Variants in PRMT2 observed in about 807,000 individuals in gnomAD.
The protein encoded by PRMT2 is protein arginine methyltransferase 2, also known as protein arginine N-methyltransferase 2.
A neutral mutation model predicts 57.6 loss-of-function variants in PRMT2; 26 were observed. The ratio of observed to expected loss-of-function variants is 0.45; its 90% CI spans 0.33 to 0.63. PRMT2 has a LOEUF of 0.63. Among genes scored for constraint, PRMT2 ranks in the 20% least tolerant of loss-of-function variants. The pLI, the probability that PRMT2 is intolerant of heterozygous loss-of-function variation, is 0.02. For missense variants in PRMT2, 472 were observed against 564.4 expected, an observed-to-expected ratio of 0.84 and a Z score of 1.66; for synonymous variants, 219 against 220.0, an observed-to-expected ratio of 1.00 and a Z score of 0.04.
intron 3 of PRMT2, among the ~76,000 whole-genome samples, chr21:46,638,517 A>C (rs2148959841): frequency 6.6e-6 from 1 of 152,298 alleles, no homozygotes; most frequent in East Asian, 1.9e-4. Flanking sequence ...AAGGGATTGC[A>C]AGTTTCAGTT....
At chr21:46,655,822 T>G (rs1360115350) in intron 7 of PRMT2, among the ~76,000 whole-genome samples, 6 of 152,102 alleles carry the variant, frequency 3.9e-5, no homozygotes, top group Admixed American at 2.0e-4. Context: ...CCTAAATAAA[T>G]GGAGAGATAA....
chr21:46,643,552 G>A lies in PRMT2; in HGVS notation c.57G>A (p.Glu19=), dbSNP rs150500329. The A allele has an allele frequency of 5.0e-5, 81 of 1,606,304 alleles. No individual in the cohort carries two copies. In the African/African-American group the frequency reaches 9.8e-4, roughly 19 times the overall value. ...TTGAGCAGGGAGAAGAGCCTGCTGA[G>A]TGCAGTGAGGCCGGTCTCCTGCAGG... ...RSESQGEEPA[E]CSEAGLLQEG... Residue 19 remains glutamate (E), a synonymous_variant, in exon 4 of 12, where the codon GAG becomes GAA. Transcript: ENST00000355680.
chr21:46,652,019 G>A (rs773405874), intron 7 of PRMT2: 3 of 1,613,044 alleles, frequency 1.9e-6, no homozygotes, highest in Non-Finnish European at 2.5e-6. Context: ...CTGACATGTA[G>A]TAAAAGTCTG....
chr21:46,652,987 C>A, intron 7 of PRMT2: 1 of 1,228,164 alleles, frequency 8.1e-7, no homozygotes, highest in Admixed American at 3.5e-5. Context: ...TTTGCAAGGT[C>A]ACTGAGGATC....
In PRMT2 at chr21:46,661,957, CACGGGGT is replaced by C. The variant is rs761809610; in HGVS notation, c.1097+22_1097+28del. On this transcript the variant is annotated intron_variant, in intron 10 of 11. Coordinates refer to ENST00000355680, the MANE Select transcript of PRMT2 (RefSeq NM_206962.4). Reference sequence around the variant, plus strand: ...CACCCGTGAGTGTGCGGGGCGCGGGCACGGGGTGCGGGGTGGGGGGCAGGGGAGTAGG... The same window carrying C: ...CACCCGTGAGTGTGCGGGGCGCGGGCGCGGGGTGGGGGGCAGGGGAGTAGG... 12 of 988,698 alleles carry C rather than the reference CACGGGGT, an allele frequency of 1.2e-5. No homozygotes were observed. The African/African-American group carries it at 1.7e-4, about 14-fold the overall frequency. The allele number at this position is 988,698 out of a possible 1,614,324, so 61.2% of individuals were successfully genotyped here. A position where few individuals can be genotyped will look rare whatever the true frequency, so the allele number is the denominator to read the frequency against.
At chr21:46,660,005 T>G in intron 8 of PRMT2, 1 of 984,142 alleles carries the variant, frequency 1.0e-6, no homozygotes. Context: ...ATCACAATGC[T>G]AAGACAGGCA....
At chr21:46,659,297 G>A in intron 8 of PRMT2, 1 of 1,014,054 alleles carries the variant, frequency 9.9e-7, no homozygotes, top group Non-Finnish European at 1.2e-6. Flanking sequence ...ATCCATGGGG[G>A]CCTGTGTGCA....
rs1461549148 is a variant in PRMT2 at position 46,649,430 on chromosome 21, C to G, written c.490-145C>G. The G allele has an allele frequency of 7.6e-7, 1 of 1,315,510 alleles. No homozygotes were observed. Among genetic ancestry groups the G allele is most frequent in the African/African-American group, 1.4e-5 (1 of 69,188 alleles). 81.5% of individuals were successfully genotyped at this position (1,315,510 alleles called of 1,614,324 possible). A position where few individuals can be genotyped will look rare whatever the true frequency, so the allele number is the denominator to read the frequency against. On this transcript the variant is annotated intron_variant, in intron 6 of 11. Coordinates refer to ENST00000355680, the MANE Select transcript of PRMT2 (RefSeq NM_206962.4). The surrounding 1 kb of genome is among the most constrained non-coding windows in gnomAD (Gnocchi z 4.8). ...GTGCCCCTGGAGGGGCAGGTGTGGC[C>G]AGTCCTCGCTGCCTCTGCTGTCTGG...
In PRMT2 at chr21:46,649,189, C is replaced by A. The variant is rs1487585608; in HGVS notation, c.490-386C>A. Among the ~76,000 whole-genome samples, 1 of 152,176 alleles carries A rather than the reference C, an allele frequency of 6.6e-6. No individual in the cohort carries two copies. Among genetic ancestry groups the A allele is most frequent in the African/African-American group, 2.4e-5 (1 of 41,446 alleles). Reference sequence around the variant, plus strand: ...TTCCCACCAGACCCTTCCCTGAGAACCTGGGTTTGAAATTGTCTGACAGGC... The same window carrying A: ...TTCCCACCAGACCCTTCCCTGAGAAACTGGGTTTGAAATTGTCTGACAGGC... On this transcript the variant is annotated intron_variant, in intron 6 of 11. Transcript: ENST00000355680. The surrounding 1 kb of genome is among the most constrained non-coding windows in gnomAD (Gnocchi z 4.8).
intron 7 of PRMT2, chr21:46,650,024 G>A: frequency 7.4e-7 from 1 of 1,348,108 alleles, no homozygotes; most frequent in Non-Finnish European, 9.8e-7. Flanking sequence ...AAAATCCTGT[G>A]CCTAACAGGT....
chr21:46,647,076 G>A (rs968194935), intron 5 of PRMT2, among the ~76,000 whole-genome samples: 6 of 152,144 alleles, frequency 3.9e-5, no homozygotes, highest in African/African-American at 1.4e-4. Context: ...ATTTCAGACC[G>A]TGGCATGATG....
intron 7 of PRMT2, chr21:46,651,701 T>A: frequency 7.7e-7 from 1 of 1,301,464 alleles, no homozygotes; most frequent in Non-Finnish European, 1.1e-6. Context: ...AGAGTTCCTA[T>A]GGCGATAGTT....
chr21:46,645,914 A>C (rs1272223904), intron 5 of PRMT2, among the ~76,000 whole-genome samples: 2 of 152,016 alleles, frequency 1.3e-5, no homozygotes, highest in South Asian at 2.1e-4. Flanking sequence ...GGGTTTTGCC[A>C]TGTTGGCCAG....
At position 46,644,533 on chromosome 21, in the gene PRMT2, T is replaced by C. The variant is rs752523317; in HGVS notation, c.327+45T>C. The stretch of plus-strand genomic sequence containing the variant: ...CTGTTCAGCTGGCCAGGCGGTGGGT[T>C]CTCTCTAGCTTTAGTTCTACTGCAA... On this transcript the variant is annotated intron_variant, in intron 5 of 11. Coordinates refer to ENST00000355680, the MANE Select transcript of PRMT2 (RefSeq NM_206962.4). 5.2e-6 allele frequency: 8 copies of C among 1,531,112 alleles called. No individual in the cohort carries two copies. In the East Asian group the frequency reaches 1.8e-4, roughly 35 times the overall value. The allele number at this position is 1,531,112 out of a possible 1,614,324, so 94.8% of individuals were successfully genotyped here. A position where few individuals can be genotyped will look rare whatever the true frequency, so the allele number is the denominator to read the frequency against.
intron 7 of PRMT2, chr21:46,653,164 T>C (rs2061487443): frequency 3.0e-6 from 3 of 985,444 alleles, no homozygotes; most frequent in Non-Finnish European, 3.6e-6. Context: ...TTATGACGAA[T>C]TTTCTAAGCA....
Position 46,649,466 on chromosome 21 carries a change from C to G in PRMT2, c.490-109C>G. ...GCCTCTGCTGTCTGGAATGCTGCTTCCCTCTTGTGTCATTGACCATTTCTC... is the reference window on the plus strand; with the variant it reads ...GCCTCTGCTGTCTGGAATGCTGCTTGCCTCTTGTGTCATTGACCATTTCTC... On this transcript the variant is annotated intron_variant, in intron 6 of 11. Coordinates refer to ENST00000355680, the MANE Select transcript of PRMT2 (RefSeq NM_206962.4). This position sits in a 1 kb window ranked among gnomAD's most constrained non-coding sequence, Gnocchi z 4.8. 6.5e-7 allele frequency: 1 copy of G among 1,547,490 alleles called. No individual in the cohort carries two copies. Among genetic ancestry groups the G allele is most frequent in the Non-Finnish European group, 8.9e-7 (1 of 1,124,470 alleles).
intron 7 of PRMT2, among the ~76,000 whole-genome samples, chr21:46,656,072 G>A (rs1462743022): frequency 6.6e-6 from 1 of 151,962 alleles, no homozygotes; most frequent in African/African-American, 2.4e-5. Context: ...TCATGGGTGT[G>A]GATCCCTCAT....
intron 11 of PRMT2, 108 bp downstream of exon 11, chr21:46,663,662 C>T: frequency 8.6e-7 from 1 of 1,156,312 alleles, no homozygotes. Context: ...GGGTCCACGC[C>T]TTTTGTGCAG....
intron 8 of PRMT2, 85 bp downstream of exon 8, chr21:46,659,005 C>T (rs2061581265): frequency 1.3e-6 from 2 of 1,505,726 alleles, no homozygotes; most frequent in East Asian, 2.3e-5. Context: ...CTGGGAGATC[C>T]CATACGACGG....
Sources: allele counts gnomAD v4.1 joint callset (sites outside exome capture counted in the v4.1 genomes callset), GRCh38; gene constraint gnomAD v4.1.1; non-coding constraint Gnocchi (gnomAD v3.1); transcripts MANE v1.5; gene names NCBI Gene and HGNC (gene_info 2026-07-23, HGNC 2026-07-21).